The following MGAT4C variants were observed in gnomAD, a reference collection of about 807,000 sequenced individuals.
The protein encoded by MGAT4C is alpha-1,3-mannosyl-glycoprotein 4-beta-N-acetylglucosaminyltransferase C.
A neutral mutation model predicts 40.1 loss-of-function variants in MGAT4C; 19 were observed. That is an observed-to-expected ratio of 0.47 (90% CI 0.33 to 0.70). The LOEUF (loss-of-function observed/expected upper bound fraction) is 0.70. Among genes scored for constraint, MGAT4C ranks in the 30% least tolerant of loss-of-function variants. MGAT4C has a pLI of 0.02. For missense variants in MGAT4C, 491 were observed against 563.2 expected (o/e 0.87, Z 1.30); for synonymous variants, 181 against 187.1 (o/e 0.97, Z 0.27).
chr12:86,672,570 T>A (rs1964284710), intron 2 of MGAT4C, among the ~76,000 whole-genome samples: 1 of 151,648 alleles, frequency 6.6e-6, no homozygotes, highest in Non-Finnish European at 1.5e-5. Context: ...ATAAACAAAA[T>A]CAGAGATGAA....
rs369234537 is a variant in MGAT4C at position 86,609,883 on chromosome 12, A to G, written c.-229+117326T>C. Among the ~76,000 whole-genome samples, 82 of 151,970 alleles carry G rather than the reference A, an allele frequency of 5.4e-4. No homozygotes were observed. The South Asian group carries it at 0.016, about 30-fold the overall frequency. On this transcript the variant is annotated intron_variant, in intron 2 of 7. Coordinates refer to the MGAT4C transcript ENST00000548651. ...AGAATATACCCCTAACATCCAGGTG[A>G]TTGTCTTCCCTCCAACTTTGACACT...
chr12:86,395,950 G>C (rs1044713508), intron 3 of MGAT4C, among the ~76,000 whole-genome samples: 1 of 152,000 alleles, frequency 6.6e-6, no homozygotes, highest in Non-Finnish European at 1.5e-5. Flanking sequence ...TTCTAAGCTG[G>C]ATATTTTTAT....
At chr12:86,563,892 T>C (rs987851839) in intron 2 of MGAT4C, among the ~76,000 whole-genome samples, 6 of 152,196 alleles carry the variant, frequency 3.9e-5, no homozygotes, top group East Asian at 1.9e-4. Context: ...CCAGAATGCA[T>C]AATTGGCACT....
At chr12:86,218,976 C>T (rs1414247264) in intron 1 of MGAT4C, among the ~76,000 whole-genome samples, 3 of 152,034 alleles carry the variant, frequency 2.0e-5, no homozygotes, top group South Asian at 4.1e-4. Context: ...GTCAAGAGAT[C>T]GAGACCATCC....
At chr12:86,030,100 G>A (rs1012611493) in intron 2 of MGAT4C, among the ~76,000 whole-genome samples, 1 of 151,694 alleles carries the variant, frequency 6.6e-6, no homozygotes, top group Admixed American at 6.6e-5. Flanking sequence ...GAAAAGAGAT[G>A]GCAATAGGTG....
At chr12:86,246,179 CTTTTTTT>C (rs57004605) in intron 1 of MGAT4C, among the ~76,000 whole-genome samples, 7 of 70,122 alleles carry the variant, frequency 1.0e-4, no homozygotes, top group Non-Finnish European at 1.2e-4. Context: ...TGTACCATTG[CTTTTTTT>C]TTTTTTTTTT....
At position 85,967,180 on chromosome 12, in the gene MGAT4C, T is replaced by C. The variant is rs1883410425; in HGVS notation, c.*12109A>G. 1 of 152,326 alleles carries C rather than the reference T, an allele frequency of 6.6e-6. No homozygotes were observed. Among genetic ancestry groups the C allele is most frequent in the South Asian group, 2.1e-4 (1 of 4,832 alleles). 9.4% of individuals were successfully genotyped at this position (152,326 alleles called of 1,614,324 possible). ...ATTTGATATCAGCTAGCAGTAAAATTGTGAACAAATCTGGTAAATCTTTTG... is the reference window on the plus strand; with the variant it reads ...ATTTGATATCAGCTAGCAGTAAAATCGTGAACAAATCTGGTAAATCTTTTG... On this transcript the variant is annotated 3_prime_UTR_variant, in exon 5 of 5. Transcript: ENST00000611864.
intron 2 of MGAT4C, among the ~76,000 whole-genome samples, chr12:86,609,372 T>C (rs189426192): frequency 2.1e-3 from 318 of 152,232 alleles, no homozygotes; most frequent in African/African-American, 7.2e-3. Context: ...TCAATATTTG[T>C]TATGCTTATA....
At chr12:86,635,218 G>A (rs538570416) in intron 2 of MGAT4C, among the ~76,000 whole-genome samples, 45 of 152,082 alleles carry the variant, frequency 3.0e-4, no homozygotes, top group South Asian at 8.3e-4. Flanking sequence ...GTGATTCTCC[G>A]GTTTTTGCAT....
chr12:86,442,869 CT>C (rs770258309), intron 2 of MGAT4C, among the ~76,000 whole-genome samples: 1 of 152,074 alleles, frequency 6.6e-6, no homozygotes, highest in Admixed American at 6.6e-5. Context: ...CAACCACCAC[CT>C]TGATCAGTCA....
At chr12:86,249,800 C>G (rs1493416) in intron 1 of MGAT4C, among the ~76,000 whole-genome samples, 112,760 of 152,028 alleles carry the variant, frequency 0.74, 42,124 homozygotes, top group East Asian at 0.95. Context: ...CCACCTGTAC[C>G]TGAAAAAGTC....
chr12:86,040,182 G>A (rs527453673), intron 2 of MGAT4C, among the ~76,000 whole-genome samples: 1 of 152,342 alleles, frequency 6.6e-6, no homozygotes, highest in South Asian at 2.1e-4. Flanking sequence ...CTACTGGGAA[G>A]AGTCTCCCAG....
chr12:86,457,287 T>C (rs1017017566), intron 2 of MGAT4C, among the ~76,000 whole-genome samples: 8 of 152,162 alleles, frequency 5.3e-5, no homozygotes, highest in African/African-American at 1.9e-4. Context: ...TATTTAACTT[T>C]CATTACTTGC....
At chr12:86,302,232 G>A (rs1953830385) in intron 4 of MGAT4C, among the ~76,000 whole-genome samples, 1 of 150,702 alleles carries the variant, frequency 6.6e-6, no homozygotes, top group South Asian at 2.1e-4. Context: ...CAAATAAATC[G>A]AAGCCTTGAA....
chr12:86,810,890 A>G (rs957109209), intron 1 of MGAT4C, among the ~76,000 whole-genome samples: 1 of 152,102 alleles, frequency 6.6e-6, no homozygotes, highest in Middle Eastern at 3.4e-3. Flanking sequence ...CTCTTCTAAA[A>G]TTGCTAATTA....
At chr12:86,519,482 G>C (rs190110316) in intron 2 of MGAT4C, among the ~76,000 whole-genome samples, 1 of 152,106 alleles carries the variant, frequency 6.6e-6, no homozygotes, top group East Asian at 1.9e-4. Flanking sequence ...CCTCCATACT[G>C]TTCTCCACAG....
At chr12:86,242,748 C>A (rs368768604) in intron 1 of MGAT4C, among the ~76,000 whole-genome samples, 1 of 152,022 alleles carries the variant, frequency 6.6e-6, no homozygotes, top group African/African-American at 2.4e-5. Context: ...TACCTTTATA[C>A]AATGGCATGC....
chr12:86,584,868 T>C (rs535459826), intron 2 of MGAT4C, among the ~76,000 whole-genome samples: 1 of 149,222 alleles, frequency 6.7e-6, no homozygotes, highest in African/African-American at 2.4e-5. Flanking sequence ...GCTATTTTCA[T>C]TGATAGTCAT....
In MGAT4C at chr12:86,421,336, C is replaced by G. The variant is rs183430570; in HGVS notation, c.-120+13821G>C. Reference sequence around the variant, plus strand: ...CCAGAAGTTAGGCCCATGGTACATTCATCAAATTCATTATTCTTTACATAT... The same window carrying G: ...CCAGAAGTTAGGCCCATGGTACATTGATCAAATTCATTATTCTTTACATAT... On this transcript the variant is annotated intron_variant, in intron 3 of 7. Transcript: ENST00000548651. Among the ~76,000 whole-genome samples the G allele has an allele frequency of 2.5e-4, 38 of 152,274 alleles. 1 individual carries two copies. In the East Asian group the frequency reaches 5.8e-3, roughly 23 times the overall value.
Sources: allele counts gnomAD v4.1 joint callset (sites outside exome capture counted in the v4.1 genomes callset), GRCh38; gene constraint gnomAD v4.1.1; transcripts MANE v1.5; gene names NCBI Gene and HGNC (gene_info 2026-07-23, HGNC 2026-07-21).